ATXN10: variants seen among roughly 807,000 people sequenced by gnomAD.
ATXN10 encodes the protein ataxin-10.
ATXN10 carries 28 observed loss-of-function variants against 52.9 expected under a neutral mutation model. The ratio of observed to expected loss-of-function variants is 0.53; its 90% confidence interval spans 0.39 to 0.73. The LOEUF (loss-of-function observed/expected upper bound fraction) is 0.73. ATXN10 is among the 30% of genes least tolerant of loss of function. The pLI is 0.00. For synonymous variants in ATXN10, 226 were observed against 221.5 expected, an observed-to-expected ratio of 1.02 and a Z score of -0.18; for missense variants, 565 against 577.0, an observed-to-expected ratio of 0.98 and a Z score of 0.21.
In ATXN10 at chr22:45,728,310, C is replaced by A. The variant is rs1924957457; in HGVS notation, c.729-1115C>A. On this transcript the variant is annotated intron_variant, in intron 6 of 11. Coordinates refer to ENST00000252934, the MANE Select transcript of ATXN10 (RefSeq NM_013236.4). The surrounding 1 kb of genome is among the most constrained non-coding windows in gnomAD (Gnocchi z 4.3). The stretch of plus-strand genomic sequence containing the variant: ...ATATAAATAAGGGAAAACAGAAATT[C>A]TCTAATACTGTGCTCAACTGAGTGG... 6.6e-6 allele frequency among the ~76,000 whole-genome samples: 1 copy of A among 152,114 alleles called. No individual in the cohort carries two copies. Among genetic ancestry groups the A allele is most frequent in the Non-Finnish European group, 1.5e-5 (1 of 68,022 alleles).
intron 7 of ATXN10, among the ~76,000 whole-genome samples, chr22:45,730,560 A>G (rs1382799325): frequency 6.6e-6 from 1 of 152,070 alleles, no homozygotes; most frequent in Non-Finnish European, 1.5e-5. Flanking sequence ...TGGCTACCCA[A>G]ATAACTGGGA....
In ATXN10 at chr22:45,750,164, G is replaced by A. The variant is rs1925893873; in HGVS notation, c.1173+9626G>A. On this transcript the variant is annotated intron_variant, in intron 9 of 11. Transcript: ENST00000252934. This position sits in a 1 kb window ranked among gnomAD's most constrained non-coding sequence, Gnocchi z 4.2. ...GTCACCCAGGCTGGAGTGCAGTGGT[G>A]TGATCACAGCTCACCGCAGTTCTGT... is the stretch of plus-strand genomic sequence containing the variant. Among the ~76,000 whole-genome samples the A allele has an allele frequency of 6.6e-6, 1 of 152,128 alleles. No homozygotes were observed. The highest frequency in any genetic ancestry group is 2.4e-5 in the African/African-American group (1 of 41,414).
At position 45,728,233 on chromosome 22, in the gene ATXN10, C is replaced by T. The variant is rs1243201233; in HGVS notation, c.729-1192C>T. On this transcript the variant is annotated intron_variant, in intron 6 of 11. Coordinates refer to ENST00000252934, the MANE Select transcript of ATXN10 (RefSeq NM_013236.4). This position sits in a 1 kb window ranked among gnomAD's most constrained non-coding sequence, Gnocchi z 4.3. ...AGGTTCCATGCTGGTGCCTGTCGAC[C>T]TTTTATTTCAAGCTTTAGAACTTTT... Among the ~76,000 whole-genome samples, 1 of 151,992 alleles carries T rather than the reference C, an allele frequency of 6.6e-6. No individual in the cohort carries two copies. Among genetic ancestry groups the T allele is most frequent in the Non-Finnish European group, 1.5e-5 (1 of 68,008 alleles).
Position 45,805,462 on chromosome 22 carries a change from G to A in ATXN10, c.1174-1497G>A, listed in dbSNP as rs1928068151. On this transcript the variant is annotated intron_variant, in intron 9 of 11. Transcript: ENST00000252934. This position sits in a 1 kb window ranked among gnomAD's most constrained non-coding sequence, Gnocchi z 4.4. Reference sequence around the variant, plus strand: ...GGAAATAACACAAATGTCCATTAGTGGGTGAATGGAAAAATGCAATGTGGC... The same window carrying A: ...GGAAATAACACAAATGTCCATTAGTAGGTGAATGGAAAAATGCAATGTGGC... Among the ~76,000 whole-genome samples, 1 of 152,182 alleles carries A rather than the reference G, an allele frequency of 6.6e-6. No homozygotes were observed. Among genetic ancestry groups the A allele is most frequent in the South Asian group, 2.1e-4 (1 of 4,826 alleles).
At position 45,708,676 on chromosome 22, in the gene ATXN10, G is replaced by A. The variant is rs1924129963; in HGVS notation, c.647+5829G>A. Among the ~76,000 whole-genome samples the A allele has an allele frequency of 6.6e-6, 1 of 152,172 alleles. No homozygotes were observed. The highest frequency in any genetic ancestry group is 6.5e-5 in the Admixed American group (1 of 15,282). ...TCTTTTTGAGACAGAGTCTCACTCT[G>A]TTGCCCAGGCTGGAGTGCAGTGGTG... is the stretch of plus-strand genomic sequence containing the variant. On this transcript the variant is annotated intron_variant, in intron 5 of 11. Coordinates refer to ENST00000252934, the MANE Select transcript of ATXN10 (RefSeq NM_013236.4). This position sits in a 1 kb window ranked among gnomAD's most constrained non-coding sequence, Gnocchi z 5.3.
At chr22:45,729,853 T>G (rs982010038) in intron 7 of ATXN10, 12 of 466,738 alleles carry the variant, frequency 2.6e-5, no homozygotes, top group Non-Finnish European at 3.9e-5. Flanking sequence ...CGTAGACATG[T>G]GCACATATGT....
intron 4 of ATXN10, 49 bp downstream of exon 4, chr22:45,700,427 A>G (rs1263119716): frequency 6.9e-7 from 1 of 1,446,414 alleles, no homozygotes; most frequent in South Asian, 1.1e-5. Context: ...GATTGTGGCT[A>G]TATTTTTCCA....
At chr22:45,752,427 A>C (rs939389689) in intron 9 of ATXN10, among the ~76,000 whole-genome samples, 6 of 152,134 alleles carry the variant, frequency 3.9e-5, no homozygotes, top group African/African-American at 1.4e-4. Context: ...TCCTGGATCC[A>C]GGCCTTGAAG....
rs1925189747 is a variant in ATXN10, at chr22:45,733,998, G to GAAT, written c.894+4413_894+4415dup. ...TATTCATTGTATGTTTTTAATAGTT[G>GAAT]AATAATATTTAACTATATAGACTCA... On this transcript the variant is annotated intron_variant, in intron 7 of 11. Coordinates refer to ENST00000252934, the MANE Select transcript of ATXN10 (RefSeq NM_013236.4). The surrounding 1 kb of genome is among the most constrained non-coding windows in gnomAD (Gnocchi z 4.4). Among the ~76,000 whole-genome samples the GAAT allele has an allele frequency of 6.6e-6, 1 of 151,680 alleles. No homozygotes were observed. The highest frequency in any genetic ancestry group is 1.5e-5 in the Non-Finnish European group (1 of 67,970).
chr22:45,843,644 A>G lies in ATXN10; in HGVS notation c.1426-25A>G, dbSNP rs1929420025. The G allele has an allele frequency of 3.7e-6, 6 of 1,610,898 alleles. No individual in the cohort carries two copies. Among genetic ancestry groups the G allele is most frequent in the African/African-American group, 2.7e-5 (2 of 74,864 alleles). On this transcript the variant is annotated intron_variant, in intron 11 of 11. Transcript: ENST00000252934. This position sits in a 1 kb window ranked among gnomAD's most constrained non-coding sequence, Gnocchi z 4.5. ...TGTGAACAGATTTGCTACATCTGCA[A>G]TTTTGTTTCTTTCTTCTTCTTTAGT...
intron 9 of ATXN10, among the ~76,000 whole-genome samples, chr22:45,782,508 C>CT (rs1851189317): frequency 1.3e-5 from 2 of 152,136 alleles, no homozygotes; most frequent in African/African-American, 4.8e-5. Context: ...GGTGCAGCAG[C>CT]TGGGCACAAG....
intron 9 of ATXN10, among the ~76,000 whole-genome samples, chr22:45,751,504 G>GT (rs369271284): frequency 2.3e-4 from 35 of 151,866 alleles, no homozygotes; most frequent in African/African-American, 8.2e-4. Context: ...TGTTATATGT[G>GT]TTTTTTCCCC....
chr22:45,676,720 C>T (rs1922708571), intron 1 of ATXN10: 1 of 152,278 alleles, frequency 6.6e-6, no homozygotes, highest in Non-Finnish European at 1.5e-5. Context: ...CTCAGGTGAT[C>T]CGCCTGCCTT....
At chr22:45,716,151 T>C (rs1924435193) in intron 5 of ATXN10, among the ~76,000 whole-genome samples, 1 of 152,034 alleles carries the variant, frequency 6.6e-6, no homozygotes, top group South Asian at 2.1e-4. Context: ...TGTAGTTCTA[T>C]CTACTTGAGA....
chr22:45,758,377 T>C (rs1474838886), intron 9 of ATXN10, among the ~76,000 whole-genome samples: 1 of 152,226 alleles, frequency 6.6e-6, no homozygotes, highest in Non-Finnish European at 1.5e-5. Context: ...AAAACCAGTT[T>C]TACTTTTAGG....
rs136017 is a variant in ATXN10, at chr22:45,806,612, G to T, written c.1174-347G>T. Reference sequence around the variant, plus strand: ...CAGCTTAGAAGAGGAATTCACCCATGTTTTTTTCTAGTACTGATTTTCTTT... The same window carrying T: ...CAGCTTAGAAGAGGAATTCACCCATTTTTTTTTCTAGTACTGATTTTCTTT... On this transcript the variant is annotated intron_variant, in intron 9 of 11. Coordinates refer to ENST00000252934, the MANE Select transcript of ATXN10 (RefSeq NM_013236.4). 6.7e-3 allele frequency among the ~76,000 whole-genome samples: 1,018 copies of T among 152,030 alleles called. 6 individuals are homozygous for T. Among genetic ancestry groups the T allele is most frequent in the African/African-American group, 0.023 (966 of 41,476 alleles).
At chr22:45,799,795 A>G (rs1927872496) in intron 9 of ATXN10, among the ~76,000 whole-genome samples, 1 of 152,246 alleles carries the variant, frequency 6.6e-6, no homozygotes, top group Non-Finnish European at 1.5e-5. Context: ...AAAGAGGATT[A>G]TATTACTTCT....
At chr22:45,704,042 G>A (rs1923942591) in intron 5 of ATXN10, 1 of 151,772 alleles carries the variant, frequency 6.6e-6, no homozygotes, top group Non-Finnish European at 1.5e-5. Context: ...AGGGCACTAT[G>A]TGGAGCTGTT....
Position 45,722,560 on chromosome 22 carries a change from A to G in ATXN10, c.728+4067A>G, listed in dbSNP as rs561819445. Among the ~76,000 whole-genome samples, 4 of 152,300 alleles carry G rather than the reference A, an allele frequency of 2.6e-5. No homozygotes were observed. In the East Asian group the frequency reaches 7.7e-4, roughly 29 times the overall value. ...TCGTTAGCTCTCTCATCTTGTAACC[A>G]TATAATAAAGCTGCATTATACAGGC... On this transcript the variant is annotated intron_variant, in intron 6 of 11. Transcript: ENST00000252934.
Sources: gnomAD v4.1 joint callset for allele counts (sites outside exome capture counted in the v4.1 genomes callset) on GRCh38, gnomAD v4.1.1 for gene constraint, Gnocchi (gnomAD v3.1) non-coding constraint, MANE v1.5 for transcripts, NCBI Gene and HGNC (gene_info 2026-07-23, HGNC 2026-07-21) for gene names.